Variants in NCAM2 observed in about 807,000 individuals in gnomAD.
The protein encoded by NCAM2 is neural cell adhesion molecule 2.
A neutral mutation model predicts 98.1 loss-of-function variants in NCAM2; 30 were observed. That is an observed-to-expected ratio of 0.31 (90% confidence interval 0.23 to 0.41). The LOEUF (loss-of-function observed/expected upper bound fraction) is 0.41. Ranked by LOEUF, NCAM2 falls within the 10% of genes least tolerant of loss-of-function variation. The pLI, the probability that NCAM2 is intolerant of heterozygous loss-of-function variation, is 1.00. For missense variants in NCAM2, 867 were observed against 1,005.8 expected, an observed-to-expected ratio of 0.86 and a Z score of 1.87; for synonymous variants, 368 against 342.4, an observed-to-expected ratio of 1.07 and a Z score of -0.83.
At chr21:21,152,833 T>TA (rs2067486714) in intron 1 of NCAM2, among the ~76,000 whole-genome samples, 2 of 151,988 alleles carry the variant, frequency 1.3e-5, no homozygotes, top group South Asian at 4.1e-4. Flanking sequence ...ATGGGACACT[T>TA]ATGCTGATGT....
chr21:21,010,626 C>T (rs2064192008), intron 1 of NCAM2, among the ~76,000 whole-genome samples: 1 of 152,022 alleles, frequency 6.6e-6, no homozygotes, highest in African/African-American at 2.4e-5. Flanking sequence ...AAGGATTAAA[C>T]TATTGACTAT....
intron 16 of NCAM2, among the ~76,000 whole-genome samples, chr21:21,520,282 A>T (rs1446119164): frequency 6.6e-6 from 1 of 152,158 alleles, no homozygotes; most frequent in Non-Finnish European, 1.5e-5. Flanking sequence ...TAATTTAAAA[A>T]AATCAAATGA....
At chr21:21,079,601 T>G (rs556397227) in intron 1 of NCAM2, among the ~76,000 whole-genome samples, 100 of 152,330 alleles carry the variant, frequency 6.6e-4, no homozygotes, top group African/African-American at 2.4e-3. Context: ...CACTGCATTC[T>G]TTTCTTATTC....
chr21:21,116,311 T>G (rs961246106), intron 1 of NCAM2, among the ~76,000 whole-genome samples: 1 of 152,084 alleles, frequency 6.6e-6, no homozygotes, highest in African/African-American at 2.4e-5. Context: ...CTACTACACA[T>G]TGCTAGATCC....
intron 16 of NCAM2, among the ~76,000 whole-genome samples, chr21:21,515,064 G>C (rs1424535502): frequency 6.6e-6 from 1 of 152,026 alleles, no homozygotes; most frequent in Non-Finnish European, 1.5e-5. Flanking sequence ...ATTTGTATTG[G>C]GAGTGCATTA....
chr21:21,509,636 C>G (rs1360415322), intron 16 of NCAM2, among the ~76,000 whole-genome samples: 1 of 151,940 alleles, frequency 6.6e-6, no homozygotes, highest in Admixed American at 6.6e-5. Flanking sequence ...CTGTGTAGTT[C>G]TATTTAGTTA....
chr21:21,265,104 TAA>T (rs1334895102), intron 1 of NCAM2, among the ~76,000 whole-genome samples: 1 of 47,976 alleles, frequency 2.1e-5, no homozygotes, highest in African/African-American at 6.9e-5. Flanking sequence ...TATACATATA[TAA>T]TATATATACA....
chr21:21,233,538 ATAC>A (rs2070709383), intron 1 of NCAM2, among the ~76,000 whole-genome samples: 1 of 151,728 alleles, frequency 6.6e-6, no homozygotes, highest in Non-Finnish European at 1.5e-5. Flanking sequence ...AGCTAATAAG[ATAC>A]TACAAAATTT....
intron 8 of NCAM2, among the ~76,000 whole-genome samples, chr21:21,355,680 A>C (rs1568972094): frequency 6.6e-6 from 1 of 151,168 alleles, no homozygotes; most frequent in Non-Finnish European, 1.5e-5. Context: ...CAGTGGCACG[A>C]CCTCGGCTCA....
At chr21:21,071,944 G>A (rs565505563) in intron 1 of NCAM2, among the ~76,000 whole-genome samples, 1 of 147,562 alleles carries the variant, frequency 6.8e-6, no homozygotes, top group Non-Finnish European at 1.5e-5. Context: ...ACGGAGTGTT[G>A]CTCTGTTGCC....
At chr21:21,054,471 G>A (rs1022378439) in intron 1 of NCAM2, among the ~76,000 whole-genome samples, 9 of 151,870 alleles carry the variant, frequency 5.9e-5, no homozygotes, top group African/African-American at 1.9e-4. Flanking sequence ...TCAAATACTA[G>A]CTCATGATAA....
At chr21:21,090,791 C>T (rs1010341332) in intron 1 of NCAM2, among the ~76,000 whole-genome samples, 9 of 152,196 alleles carry the variant, frequency 5.9e-5, no homozygotes, top group African/African-American at 2.2e-4. Flanking sequence ...ACCCTCTAGA[C>T]AAACTCTGCC....
intron 1 of NCAM2, among the ~76,000 whole-genome samples, chr21:21,127,113 T>C (rs1206470410): frequency 1.3e-5 from 2 of 152,014 alleles, no homozygotes; most frequent in Non-Finnish European, 2.9e-5. Flanking sequence ...TTATTCTATT[T>C]ACATGACGGT....
chr21:21,025,805 T>C (rs997433952), intron 1 of NCAM2, among the ~76,000 whole-genome samples: 3 of 152,204 alleles, frequency 2.0e-5, no homozygotes, highest in African/African-American at 7.2e-5. Flanking sequence ...CTGTGAGCTG[T>C]TGTGTCTTTG....
intron 12 of NCAM2, among the ~76,000 whole-genome samples, chr21:21,461,346 G>T (rs770095528): frequency 5.9e-5 from 9 of 151,836 alleles, no homozygotes; most frequent in Admixed American, 1.3e-4. Context: ...CTGATTTTAA[G>T]GGTAATATGT....
At chr21:21,476,266 A>G (rs1197547276) in intron 14 of NCAM2, among the ~76,000 whole-genome samples, 2 of 152,238 alleles carry the variant, frequency 1.3e-5, no homozygotes, top group Admixed American at 1.3e-4. Context: ...TATTAGATAC[A>G]TGATTTCAGA....
chr21:21,231,573 ATAAT>A (rs2070628562), intron 1 of NCAM2, among the ~76,000 whole-genome samples: 1 of 151,410 alleles, frequency 6.6e-6, no homozygotes, highest in Non-Finnish European at 1.5e-5. Flanking sequence ...TAGTAGTTTA[ATAAT>A]TGTTAGAAAT....
At chr21:21,026,638 ATT>A (rs977540120) in intron 1 of NCAM2, among the ~76,000 whole-genome samples, 6 of 148,502 alleles carry the variant, frequency 4.0e-5, no homozygotes, top group South Asian at 2.1e-4. Context: ...AAAAAAAAAA[ATT>A]TTTCAAATTT....
intron 1 of NCAM2, among the ~76,000 whole-genome samples, chr21:21,178,843 G>A (rs1230227023): frequency 6.6e-6 from 1 of 151,834 alleles, no homozygotes; most frequent in Non-Finnish European, 1.5e-5. Flanking sequence ...GTTCTCTTAT[G>A]CTTGAGCTTC....
Sources: gnomAD v4.1 joint callset for allele counts (sites outside exome capture counted in the v4.1 genomes callset) on GRCh38, gnomAD v4.1.1 for gene constraint, MANE v1.5 for transcripts, NCBI Gene and HGNC (gene_info 2026-07-23, HGNC 2026-07-21) for gene names.